Variants in LRRK2 observed in about 807,000 individuals in gnomAD.
LRRK2 encodes the protein leucine-rich repeat serine/threonine-protein kinase 2.
LRRK2 carries 203 observed loss-of-function variants against 302.6 expected under a neutral mutation model. The ratio of observed to expected loss-of-function variants is 0.67; its 90% confidence interval spans 0.60 to 0.75. LRRK2 has a LOEUF of 0.75. LRRK2 is among the 30% of genes least tolerant of loss of function. The pLI is 0.00. For missense variants in LRRK2, 2,830 were observed against 2,951.0 expected (o/e 0.96, Z 0.95); for synonymous variants, 1,066 against 1,031.9 (o/e 1.03, Z -0.63).
rs1352878 is a variant in LRRK2 at position 40,232,483 on chromosome 12, C to T, written c.347+100C>T. 0.98 allele frequency: 842,478 copies of T among 856,038 alleles called. 415,679 individuals carry two copies. The highest frequency in any genetic ancestry group is 1 in the East Asian group (40,844 of 40,844). The allele number at this position is 856,038 out of a possible 1,614,324, so 53.0% of individuals were successfully genotyped here. On this transcript the variant is annotated intron_variant, in intron 3 of 50. Transcript: ENST00000298910. Reference sequence around the variant, plus strand: ...CTGTGTTTGCAATCCAAGGCTACTCCTGTGGAATTCTTTAAAATACAGATA... The same window carrying T: ...CTGTGTTTGCAATCCAAGGCTACTCTTGTGGAATTCTTTAAAATACAGATA...
At chr12:40,330,353 A>AT (rs1945677992) in intron 39 of LRRK2, among the ~76,000 whole-genome samples, 1 of 152,036 alleles carries the variant, frequency 6.6e-6, no homozygotes, top group South Asian at 2.1e-4. Context: ...AATTCCATTG[A>AT]TTTTTAGTGC....
chr12:40,250,424 G>T (rs1372915075), intron 8 of LRRK2, among the ~76,000 whole-genome samples: 1 of 152,106 alleles, frequency 6.6e-6, no homozygotes, highest in African/African-American at 2.4e-5. Context: ...TGGAGGGTAG[G>T]AGTTGAAGTG....
chr12:40,287,465 T>C lies in LRRK2; in HGVS notation c.2615T>C (p.Phe872Ser), dbSNP rs200280257. Reference protein sequence around the residue: ...GNFSEDVLSKFDEWTFIPDSS... With the variant: ...GNFSEDVLSKSDEWTFIPDSS... Reference sequence around the variant, plus strand: ...TTTTCTGAAGATGTGCTGTCTAAATTTGATGAATGGACCTTTATTCCTGAC... The same window carrying C: ...TTTTCTGAAGATGTGCTGTCTAAATCTGATGAATGGACCTTTATTCCTGAC... The change falls in exon 20 of 51, where the codon TTT becomes TCT. Residue 872 changes from phenylalanine to serine, a missense_variant. Physicochemically the swap from Phe to Ser is radical, Grantham distance 155 (BLOSUM62 -2). Transcript: ENST00000298910. The C allele has an allele frequency of 2.5e-6, 4 of 1,612,818 alleles. No individual in the cohort carries two copies. Among genetic ancestry groups the C allele is most frequent in the East Asian group, 2.2e-5 (1 of 44,842 alleles).
At chr12:40,240,670 A>C (rs1474964854) in intron 6 of LRRK2, 53 bp downstream of exon 6, 2 of 1,509,882 alleles carry the variant, frequency 1.3e-6, no homozygotes, top group Non-Finnish European at 1.8e-6. Flanking sequence ...ATTACAATAT[A>C]TCTCATTCTG....
intron 18 of LRRK2, among the ~76,000 whole-genome samples, chr12:40,278,535 C>G (rs944133323): frequency 2.6e-5 from 4 of 152,186 alleles, no homozygotes; most frequent in African/African-American, 9.7e-5. Context: ...GTAGGCATCT[C>G]TACAACTTAG....
At chr12:40,265,263 T>G (rs1203659886) in intron 14 of LRRK2, among the ~76,000 whole-genome samples, 2 of 152,214 alleles carry the variant, frequency 1.3e-5, no homozygotes, top group Non-Finnish European at 2.9e-5. Context: ...ATAAATATGC[T>G]TTGTACTCTT....
At chr12:40,333,167 C>G (rs1945764620) in intron 39 of LRRK2, among the ~76,000 whole-genome samples, 1 of 152,054 alleles carries the variant, frequency 6.6e-6, no homozygotes. Context: ...TAACTTAACT[C>G]CTTCTCATCA....
At chr12:40,263,693 T>G (rs1592183348) in intron 13 of LRRK2, 96 bp from the exon 14 acceptor site, 57 of 857,032 alleles carry the variant, frequency 6.7e-5, no homozygotes, top group Non-Finnish European at 9.7e-5. Context: ...ACATATATTG[T>G]GAGATTAATT....
intron 7 of LRRK2, among the ~76,000 whole-genome samples, chr12:40,245,247 T>C (rs1448354090): frequency 1.3e-5 from 2 of 152,012 alleles, no homozygotes; most frequent in African/African-American, 4.8e-5. Flanking sequence ...AGAACCCAAT[T>C]CCCCCTCTTT....
chr12:40,304,968 AT>A (rs1006408248), intron 27 of LRRK2: 7 of 151,754 alleles, frequency 4.6e-5, no homozygotes, highest in African/African-American at 1.7e-4. Context: ...TAAATAAACC[AT>A]TTTTCTCAAG....
chr12:40,243,908 T>C lies in LRRK2; in HGVS notation c.838+227T>C, dbSNP rs1337767764. The stretch of plus-strand genomic sequence containing the variant: ...TTAAAAGGAGTGTCAAAAATAGATG[T>C]GTAGAATGTAAAAGAAGTATTATCT... On this transcript the variant is annotated intron_variant, in intron 7 of 50. Transcript: ENST00000298910. Among the ~76,000 whole-genome samples, 4 of 152,208 alleles carry C rather than the reference T, an allele frequency of 2.6e-5. No individual in the cohort carries two copies. In the South Asian group the frequency reaches 8.3e-4, roughly 32 times the overall value.
chr12:40,348,605 C>CACACAGAG (rs1158512841), intron 43 of LRRK2, 96 bp downstream of exon 43: 1 of 785,352 alleles, frequency 1.3e-6, no homozygotes, highest in Non-Finnish European at 2.1e-6. Flanking sequence ...AACACATAAA[C>CACACAGAG]ACACAGAGAC....
intron 43 of LRRK2, among the ~76,000 whole-genome samples, chr12:40,350,579 G>A (rs1592324322): frequency 6.6e-6 from 1 of 152,080 alleles, no homozygotes. Flanking sequence ...TTTATGTTGT[G>A]AGCTCTTGAT....
chr12:40,283,436 G>A (rs1943788485), intron 18 of LRRK2, among the ~76,000 whole-genome samples: 1 of 152,216 alleles, frequency 6.6e-6, no homozygotes. Context: ...TTTTACAATA[G>A]CTATGTCCCC....
At chr12:40,235,507 A>G in intron 3 of LRRK2, 119 bp from the exon 4 acceptor site, 1 of 705,958 alleles carries the variant, frequency 1.4e-6, no homozygotes, top group Middle Eastern at 3.7e-4. Flanking sequence ...CATGAGCTTC[A>G]CTACAGGGAA....
intron 40 of LRRK2, 89 bp from the exon 41 acceptor site, chr12:40,340,205 T>C (rs553366065): frequency 2.7e-4 from 351 of 1,317,412 alleles, no homozygotes; most frequent in Non-Finnish European, 2.5e-4. Flanking sequence ...ATGCTTGACA[T>C]AGTGGACATT....
intron 49 of LRRK2, chr12:40,365,292 A>C (rs1446061408): frequency 4.4e-6 from 2 of 453,666 alleles, no homozygotes; most frequent in Non-Finnish European, 3.9e-6. Flanking sequence ...TTTGGGTCTT[A>C]CTTGCTTTTT....
chr12:40,366,075 G>T (rs149279971), intron 49 of LRRK2: 1 of 151,828 alleles, frequency 6.6e-6, no homozygotes, highest in Non-Finnish European at 1.5e-5. Context: ...TTAAAATAAA[G>T]ATCAATTGGA....
chr12:40,332,540 G>A (rs17520264), intron 39 of LRRK2, among the ~76,000 whole-genome samples: 1,751 of 152,056 alleles, frequency 0.012, 38 homozygotes, highest in African/African-American at 0.04. Context: ...ATTCTTAGTG[G>A]CTACACTAAG....
Sources: allele counts gnomAD v4.1 joint callset (sites outside exome capture counted in the v4.1 genomes callset), GRCh38; gene constraint gnomAD v4.1.1; transcripts MANE v1.5; gene names NCBI Gene and HGNC (gene_info 2026-07-23, HGNC 2026-07-21).